LRIF1: variants seen among roughly 807,000 people sequenced by gnomAD.
LRIF1 encodes ligand-dependent nuclear receptor-interacting factor 1.
A neutral mutation model predicts 52.7 loss-of-function variants in LRIF1; 32 were observed. That is an observed-to-expected ratio of 0.61 (90% CI 0.46 to 0.82). LRIF1 has a LOEUF of 0.82. LRIF1 is among the 40% of genes least tolerant of loss of function. LRIF1 has a pLI of 0.00. For synonymous variants in LRIF1, 323 were observed against 317.4 expected (o/e 1.02, Z -0.19); for missense variants, 887 against 892.0 (o/e 0.99, Z 0.07).
the LRIF1 span, chr1:110,892,377 C>G: frequency 3.0e-5 from 49 of 1,613,924 alleles, no homozygotes; most frequent in Non-Finnish European, 4.1e-5. Flanking sequence ...GCTTTGGGAT[C>G]TACCTGCTGA....
chr1:110,920,344 A>G, the LRIF1 span, among the ~76,000 whole-genome samples: 3 of 152,196 alleles, frequency 2.0e-5, no homozygotes, highest in African/African-American at 7.2e-5. Context: ...AGACAATAGA[A>G]TATTATTCAA....
At chr1:110,944,895 T>G (rs1049182462), downstream of LRIF1, 4 of 138,644 alleles carry the variant, frequency 2.9e-5, no homozygotes, top group African/African-American at 1.2e-4. Context: ...TCAAGGTTGC[T>G]GTTTTTTTTT....
chr1:110,894,321 T>A, the LRIF1 span: 3 of 1,613,774 alleles, frequency 1.9e-6, no homozygotes, highest in Non-Finnish European at 2.5e-6. Context: ...ATCTGCTTTG[T>A]CCCAGTTCTT....
At chr1:110,931,381 T>C in the LRIF1 span, among the ~76,000 whole-genome samples, 2 of 152,216 alleles carry the variant, frequency 1.3e-5, no homozygotes, top group Non-Finnish European at 2.9e-5. Flanking sequence ...ATCCAGTCTA[T>C]CATTGATGGA....
At chr1:110,886,870 T>TATATATATATATATA in the LRIF1 span, among the ~76,000 whole-genome samples, 47 of 35,508 alleles carry the variant, frequency 1.3e-3, no homozygotes, top group African/African-American at 3.4e-3. Context: ...TATATATATA[T>TATATATATATATATA]TTTTTTTTTC....
the LRIF1 span, among the ~76,000 whole-genome samples, chr1:110,880,073 TAGCCAC>T: frequency 6.6e-6 from 1 of 152,202 alleles, no homozygotes; most frequent in African/African-American, 2.4e-5. Flanking sequence ...TTGTGGAAGG[TAGCCAC>T]AGTTAAGTGC....
the LRIF1 span, among the ~76,000 whole-genome samples, chr1:110,883,523 T>C: frequency 6.6e-6 from 1 of 152,012 alleles, no homozygotes; most frequent in Non-Finnish European, 1.5e-5. Flanking sequence ...TCTTGTAATA[T>C]CTTTCTGCTT....
At chr1:110,884,168 A>C in the LRIF1 span, among the ~76,000 whole-genome samples, 1 of 152,084 alleles carries the variant, frequency 6.6e-6, no homozygotes, top group Non-Finnish European at 1.5e-5. Context: ...ATTCACCCCA[A>C]AATATTGCTT....
At chr1:110,886,024 T>C in the LRIF1 span, among the ~76,000 whole-genome samples, 7 of 152,236 alleles carry the variant, frequency 4.6e-5, no homozygotes, top group African/African-American at 1.7e-4. Context: ...GGATTGCTTT[T>C]AACATTTCTT....
chr1:110,903,469 AG>A, the LRIF1 span, among the ~76,000 whole-genome samples: 1 of 152,208 alleles, frequency 6.6e-6, no homozygotes, highest in Admixed American at 6.5e-5. Context: ...CAGAGTTGTA[AG>A]GTCCCTGTTT....
the LRIF1 span, among the ~76,000 whole-genome samples, chr1:110,886,814 T>C: frequency 6.9e-6 from 1 of 145,806 alleles, no homozygotes; most frequent in Admixed American, 7.0e-5. Context: ...CACTGCACTC[T>C]AGCCTAGGCA....
the LRIF1 span, among the ~76,000 whole-genome samples, chr1:110,916,705 A>T: frequency 1.3e-5 from 2 of 152,222 alleles, no homozygotes; most frequent in Admixed American, 1.3e-4. Context: ...CTAAAACATA[A>T]AGATACTGAA....
the LRIF1 span, chr1:110,938,043 A>T: frequency 6.6e-6 from 1 of 152,144 alleles, no homozygotes; most frequent in Admixed American, 6.5e-5. Flanking sequence ...ACCAATAAAA[A>T]TAGTAAGATC....
At chr1:110,912,901 G>C in the LRIF1 span, among the ~76,000 whole-genome samples, 1 of 152,138 alleles carries the variant, frequency 6.6e-6, no homozygotes, top group Non-Finnish European at 1.5e-5. Context: ...AACAAAGCTG[G>C]AGGCACCACA....
chr1:110,887,822 C>T, the LRIF1 span, among the ~76,000 whole-genome samples: 2 of 152,202 alleles, frequency 1.3e-5, no homozygotes, highest in African/African-American at 4.8e-5. Context: ...CTAATCAGGA[C>T]TCAGCTAAAT....
the LRIF1 span, among the ~76,000 whole-genome samples, chr1:110,920,706 G>T: frequency 1.3e-5 from 2 of 152,286 alleles, no homozygotes; most frequent in Admixed American, 1.3e-4. Flanking sequence ...ATGTGTTAGT[G>T]CAAATTCATT....
the LRIF1 span, among the ~76,000 whole-genome samples, chr1:110,923,930 A>T: frequency 6.6e-6 from 1 of 152,166 alleles, no homozygotes; most frequent in Non-Finnish European, 1.5e-5. Flanking sequence ...AGAAGATAGG[A>T]TCAATAAAAC....
the LRIF1 span, among the ~76,000 whole-genome samples, chr1:110,924,305 A>G: frequency 6.6e-6 from 1 of 152,214 alleles, no homozygotes. Context: ...AAATTATTGT[A>G]ATGTTTCTCA....
the LRIF1 span, among the ~76,000 whole-genome samples, chr1:110,901,149 TG>T: frequency 1.1e-3 from 95 of 83,384 alleles, no homozygotes; most frequent in African/African-American, 2.7e-3. Flanking sequence ...TCTCTCTCTC[TG>T]TTTTTTTTTG....
Sources: gnomAD v4.1 joint callset for allele counts (sites outside exome capture counted in the v4.1 genomes callset) on GRCh38, gnomAD v4.1.1 for gene constraint, MANE v1.5 for transcripts, NCBI Gene and HGNC (gene_info 2026-07-23, HGNC 2026-07-21) for gene names.